Variants in DOK5 observed in about 807,000 individuals in gnomAD.
The protein encoded by DOK5 is docking protein 5, also known as downstream of tyrosine kinase 5.
Under a neutral mutation model 43.3 loss-of-function variants are expected in DOK5, and 27 were observed. The ratio of observed to expected loss-of-function variants is 0.62; its 90% CI spans 0.46 to 0.86. DOK5 has a LOEUF of 0.86. DOK5 is among the 40% of genes least tolerant of loss of function. The pLI, the probability that DOK5 is intolerant of heterozygous loss-of-function variation, is 0.00. For missense variants in DOK5, 373 were observed against 392.9 expected (o/e 0.95, Z 0.43); for synonymous variants, 146 against 140.1 (o/e 1.04, Z -0.30).
chr20:54,486,100 T>C (rs1169937937), intron 1 of DOK5, among the ~76,000 whole-genome samples: 1 of 152,036 alleles, frequency 6.6e-6, no homozygotes, highest in African/African-American at 2.4e-5. Context: ...ATGTTTCAAT[T>C]TTTTTTGTAA....
At chr20:54,648,912 C>T (rs1246235905) in intron 7 of DOK5, among the ~76,000 whole-genome samples, 1 of 152,194 alleles carries the variant, frequency 6.6e-6, no homozygotes, top group Admixed American at 6.5e-5. Context: ...AATCTTTACC[C>T]TTAGGCCAAG....
At chr20:54,509,851 G>T (rs370845928) in intron 1 of DOK5, among the ~76,000 whole-genome samples, 5 of 151,990 alleles carry the variant, frequency 3.3e-5, no homozygotes, top group African/African-American at 9.7e-5. Context: ...AACTAATGCT[G>T]CCTGGGAGCT....
intron 1 of DOK5, among the ~76,000 whole-genome samples, chr20:54,532,892 C>G (rs1249923023): frequency 6.6e-6 from 1 of 152,150 alleles, no homozygotes; most frequent in Admixed American, 6.6e-5. Context: ...GTATATCCTC[C>G]TGGGACAACT....
At chr20:54,553,321 A>G (rs952377547) in intron 1 of DOK5, among the ~76,000 whole-genome samples, 11 of 151,912 alleles carry the variant, frequency 7.2e-5, no homozygotes, top group Admixed American at 5.2e-4. Flanking sequence ...TCAGCCTCCC[A>G]AGTAGCTGGG....
intron 1 of DOK5, among the ~76,000 whole-genome samples, chr20:54,499,829 C>T (rs992852368): frequency 1.3e-5 from 2 of 152,188 alleles, no homozygotes; most frequent in South Asian, 4.1e-4. Flanking sequence ...ACTCATTTTA[C>T]AGGTAAAGAA....
At position 54,508,118 on chromosome 20, in the gene DOK5, C is replaced by T. The variant is rs117145671; in HGVS notation, c.66+32106C>T. On this transcript the variant is annotated intron_variant, in intron 1 of 7. Transcript: ENST00000262593. ...TACCCATGCCAAAGTTGGGTTTAGA[C>T]GGGGTTTTCAGAGTCAGGGGGTGTT... Among the ~76,000 whole-genome samples, 25 of 152,130 alleles carry T rather than the reference C, an allele frequency of 1.6e-4. No individual in the cohort carries two copies. In the East Asian group the frequency reaches 2.7e-3, roughly 16 times the overall value.
chr20:54,596,944 A>G (rs1332681287), intron 5 of DOK5, among the ~76,000 whole-genome samples: 1 of 152,144 alleles, frequency 6.6e-6, no homozygotes, highest in African/African-American at 2.4e-5. Flanking sequence ...ACACTATCTC[A>G]GTAAAAGAGA....
intron 5 of DOK5, among the ~76,000 whole-genome samples, chr20:54,600,698 G>A (rs578037866): frequency 2.6e-5 from 4 of 152,264 alleles, no homozygotes; most frequent in African/African-American, 7.2e-5. Flanking sequence ...CAGTATGTAC[G>A]TGTGATTGAT....
chr20:54,611,710 A>G (rs1179243822), intron 6 of DOK5, among the ~76,000 whole-genome samples: 2 of 152,240 alleles, frequency 1.3e-5, no homozygotes, highest in South Asian at 2.1e-4. Flanking sequence ...AGAGCTTCAC[A>G]TCTGGAAGGA....
Position 54,554,967 on chromosome 20 carries a change from C to T in DOK5, c.101C>T (p.Ala34Val). 1 of 1,613,798 alleles carries T rather than the reference C, an allele frequency of 6.2e-7. No homozygotes were observed. The highest frequency in any genetic ancestry group is 8.5e-7 in the Non-Finnish European group (1 of 1,179,762). The change falls in exon 2 of 8, where the codon GCT (alanine) becomes GTT (valine). Residue 34 changes from alanine (A) to valine (V), a missense_variant. By Grantham distance (64) the Ala-to-Val change is moderately conservative. Transcript: ENST00000262593. ...CGATGCTGGTTAGTATTCAAGAAAG[C>T]TTCAAGCAAAGGTCCAAAAAGACTG... is the stretch of plus-strand genomic sequence containing the variant. ...YQRCWLVFKK[A>V]SSKGPKRLEK...
chr20:54,626,025 C>T (rs770435286), intron 6 of DOK5, among the ~76,000 whole-genome samples: 46 of 152,150 alleles, frequency 3.0e-4, no homozygotes, highest in Non-Finnish European at 5.9e-4. Flanking sequence ...GAAGGAGCAC[C>T]GTTGTGGAGG....
At chr20:54,631,232 GC>G (rs1978552079) in intron 6 of DOK5, among the ~76,000 whole-genome samples, 1 of 152,106 alleles carries the variant, frequency 6.6e-6, no homozygotes, top group Non-Finnish European at 1.5e-5. Context: ...TGGCAACATG[GC>G]AAAACTCCAT....
At chr20:54,635,651 G>A (rs1978790132) in intron 6 of DOK5, among the ~76,000 whole-genome samples, 1 of 152,142 alleles carries the variant, frequency 6.6e-6, no homozygotes, top group Non-Finnish European at 1.5e-5. Context: ...GATGTCTTAT[G>A]TCTCCCTAAA....
At chr20:54,537,443 G>A in intron 1 of DOK5, among the ~76,000 whole-genome samples, 1 of 152,142 alleles carries the variant, frequency 6.6e-6, no homozygotes, top group East Asian at 1.9e-4. Flanking sequence ...GCCCCAAGGA[G>A]CAATTACAAA....
At chr20:54,603,810 C>A (rs1986374120) in intron 5 of DOK5, among the ~76,000 whole-genome samples, 2 of 152,098 alleles carry the variant, frequency 1.3e-5, no homozygotes, top group South Asian at 4.1e-4. Flanking sequence ...ACTCCTAGAA[C>A]CTACGTGGCT....
At chr20:54,647,169 C>T (rs1979471366) in intron 7 of DOK5, among the ~76,000 whole-genome samples, 1 of 152,064 alleles carries the variant, frequency 6.6e-6, no homozygotes. Context: ...AAATTCTCTT[C>T]TATGATTATG....
At chr20:54,629,275 C>G (rs1323528171) in intron 6 of DOK5, among the ~76,000 whole-genome samples, 1 of 152,176 alleles carries the variant, frequency 6.6e-6, no homozygotes, top group Non-Finnish European at 1.5e-5. Flanking sequence ...TCCACAGATA[C>G]AGAGTCCTTG....
intron 1 of DOK5, among the ~76,000 whole-genome samples, chr20:54,522,525 T>TC (rs200197420): frequency 2.3e-4 from 35 of 150,098 alleles, no homozygotes; most frequent in Admixed American, 1.6e-3. Flanking sequence ...TTTCTTTCTT[T>TC]TTTTTTTTTT....
At chr20:54,515,691 G>C (rs1037670428) in intron 1 of DOK5, among the ~76,000 whole-genome samples, 2 of 152,164 alleles carry the variant, frequency 1.3e-5, no homozygotes, top group Non-Finnish European at 2.9e-5. Flanking sequence ...ACATTTCAGA[G>C]AGTTAATTTG....
Sources: allele counts gnomAD v4.1 joint callset (sites outside exome capture counted in the v4.1 genomes callset), GRCh38; gene constraint gnomAD v4.1.1; transcripts MANE v1.5; gene names NCBI Gene and HGNC (gene_info 2026-07-23, HGNC 2026-07-21).